Variants in UNC5D observed in about 807,000 individuals in gnomAD.
The protein encoded by UNC5D is netrin receptor UNC5D.
In UNC5D, 39 loss-of-function variants were observed where a neutral mutation model predicts 105.4. That is an observed-to-expected ratio of 0.37 (90% CI 0.29 to 0.48). The LOEUF is 0.48. Among genes scored for constraint, UNC5D ranks in the 20% least tolerant of loss-of-function variants. The pLI is 0.98. For synonymous variants in UNC5D, 452 were observed against 450.4 expected (o/e 1.00, Z -0.04); for missense variants, 991 against 1,202.4 (o/e 0.82, Z 2.60).
chr8:35,757,823 C>T (rs1202089942), intron 13 of UNC5D, among the ~76,000 whole-genome samples: 1 of 152,198 alleles, frequency 6.6e-6, no homozygotes, highest in African/African-American at 2.4e-5. Context: ...CTTGTAGCCT[C>T]CACCAGACAT....
chr8:35,326,158 G>A (rs888449904), intron 1 of UNC5D, among the ~76,000 whole-genome samples: 11 of 152,170 alleles, frequency 7.2e-5, no homozygotes, highest in Non-Finnish European at 1.0e-4. Flanking sequence ...TCATTATGGA[G>A]TTATTCAGGC....
At chr8:35,670,080 A>C (rs1225916800) in intron 4 of UNC5D, among the ~76,000 whole-genome samples, 1 of 152,128 alleles carries the variant, frequency 6.6e-6, no homozygotes, top group African/African-American at 2.4e-5. Flanking sequence ...TGAATGTTTC[A>C]ATAGAGAAGG....
rs34672872 is a variant in UNC5D at position 35,728,095 on chromosome 8, A to AAAAAAT, written c.1681+1567_1681+1568insAAAATA. ...CTAAAAAAAAAAAAAAAAAAAAAAA[A>AAAAAAT]ATATATATATATATATGCCATAAAA... On this transcript the variant is annotated intron_variant, in intron 10 of 16. Transcript: ENST00000404895. Among the ~76,000 whole-genome samples the AAAAAAT allele has an allele frequency of 8.2e-4, 90 of 110,330 alleles. 2 individuals carry two copies. Among genetic ancestry groups the AAAAAAT allele is most frequent in the African/African-American group, 4.0e-3 (74 of 18,278 alleles). 72.4% of individuals were successfully genotyped at this position (110,330 alleles called of 152,430 possible). A position where few individuals can be genotyped will look rare whatever the true frequency, so the allele number is the denominator to read the frequency against.
intron 1 of UNC5D, among the ~76,000 whole-genome samples, chr8:35,436,962 A>G (rs1807057851): frequency 6.6e-6 from 1 of 152,024 alleles, no homozygotes; most frequent in African/African-American, 2.4e-5. Flanking sequence ...ATCTTATTCA[A>G]TTTATTACTG....
intron 7 of UNC5D, among the ~76,000 whole-genome samples, chr8:35,689,350 T>TAATC (rs1456906781): frequency 8.5e-5 from 13 of 152,212 alleles, no homozygotes; most frequent in Admixed American, 8.5e-4. Context: ...TGAAAGAACT[T>TAATC]AATCAGCACT....
intron 1 of UNC5D, among the ~76,000 whole-genome samples, chr8:35,240,496 T>C (rs986995106): frequency 6.6e-6 from 1 of 152,184 alleles, no homozygotes; most frequent in African/African-American, 2.4e-5. Flanking sequence ...TAATTCTAAA[T>C]GCTCTACAAA....
At chr8:35,567,469 A>T (rs978580678) in intron 2 of UNC5D, among the ~76,000 whole-genome samples, 1 of 152,166 alleles carries the variant, frequency 6.6e-6, no homozygotes, top group African/African-American at 2.4e-5. Context: ...AGCCTGGTCA[A>T]CATAGTGAGA....
intron 1 of UNC5D, among the ~76,000 whole-genome samples, chr8:35,249,394 C>A (rs1199384565): frequency 6.7e-6 from 1 of 149,488 alleles, no homozygotes; most frequent in Non-Finnish European, 1.5e-5. Flanking sequence ...CCCATCTCTA[C>A]TGAAAATACA....
chr8:35,580,822 C>A (rs1245045384), intron 3 of UNC5D, among the ~76,000 whole-genome samples: 2 of 152,032 alleles, frequency 1.3e-5, no homozygotes, highest in Non-Finnish European at 2.9e-5. Context: ...CTAAAGAGAG[C>A]ACAGTTGGAA....
intron 8 of UNC5D, among the ~76,000 whole-genome samples, chr8:35,710,952 T>TGTTTTG (rs1827905759): frequency 2.1e-4 from 28 of 134,508 alleles, no homozygotes; most frequent in African/African-American, 8.7e-4. Flanking sequence ...TTTTTTTTTT[T>TGTTTTG]TTTTGAGACG....
intron 5 of UNC5D, 63 bp from the exon 6 acceptor site, chr8:35,684,519 A>T: frequency 6.4e-7 from 1 of 1,569,182 alleles, no homozygotes; most frequent in Non-Finnish European, 8.6e-7. Flanking sequence ...TGGCTTGCAC[A>T]TAGTAGGCAA....
At chr8:35,416,234 G>A (rs753817714) in intron 1 of UNC5D, among the ~76,000 whole-genome samples, 17 of 152,174 alleles carry the variant, frequency 1.1e-4, no homozygotes, top group Non-Finnish European at 1.8e-4. Context: ...CTGACTTGGT[G>A]TAGGGATGGC....
chr8:35,775,562 A>G (rs1348518415), intron 16 of UNC5D, among the ~76,000 whole-genome samples: 1 of 151,806 alleles, frequency 6.6e-6, no homozygotes, highest in Non-Finnish European at 1.5e-5. Flanking sequence ...AAAAGAGAAT[A>G]TATTTTGCCA....
chr8:35,464,764 C>A (rs1809173651), intron 1 of UNC5D, among the ~76,000 whole-genome samples: 1 of 152,130 alleles, frequency 6.6e-6, no homozygotes, highest in Non-Finnish European at 1.5e-5. Flanking sequence ...TACTTTTATC[C>A]CTAACCCTGG....
intron 1 of UNC5D, among the ~76,000 whole-genome samples, chr8:35,416,504 C>CA (rs1805543655): frequency 1.3e-5 from 2 of 151,918 alleles, no homozygotes; most frequent in Admixed American, 6.6e-5. Flanking sequence ...ATGTAAATAT[C>CA]AAAAAATGGT....
chr8:35,682,449 G>A (rs1825732787), intron 4 of UNC5D, among the ~76,000 whole-genome samples: 1 of 152,144 alleles, frequency 6.6e-6, no homozygotes, highest in African/African-American at 2.4e-5. Flanking sequence ...TGCTTTCTGT[G>A]ATAAATTTCA....
intron 1 of UNC5D, among the ~76,000 whole-genome samples, chr8:35,547,528 A>G (rs1257597048): frequency 6.6e-6 from 1 of 152,122 alleles, no homozygotes; most frequent in Admixed American, 6.5e-5. Context: ...CAAATTCCTG[A>G]CCTCAAGTGA....
intron 1 of UNC5D, among the ~76,000 whole-genome samples, chr8:35,273,043 G>A (rs1805527044): frequency 1.3e-5 from 2 of 152,138 alleles, no homozygotes; most frequent in Non-Finnish European, 2.9e-5. Flanking sequence ...GGGTGAGGAG[G>A]GCTCATGAAT....
rs567063708 is a variant in UNC5D at position 35,791,792 on chromosome 8, T to C, written c.*1229T>C. ...ATTCAGCCTCCCTGAATATGCTTTC[T>C]CTATAGAACCACTAACATATGGCTA... On this transcript the variant is annotated 3_prime_UTR_variant, in exon 17 of 17. Transcript: ENST00000404895. The C allele has an allele frequency of 1.3e-5, 2 of 152,292 alleles. No individual in the cohort carries two copies. The highest frequency in any genetic ancestry group is 4.1e-4 in the South Asian group (2 of 4,832). 9.4% of individuals were successfully genotyped at this position (152,292 alleles called of 1,614,324 possible).
Sources: allele counts gnomAD v4.1 joint callset (sites outside exome capture counted in the v4.1 genomes callset), GRCh38; gene constraint gnomAD v4.1.1; transcripts MANE v1.5; gene names NCBI Gene and HGNC (gene_info 2026-07-23, HGNC 2026-07-21).